The following SLC30A8 variants were observed in gnomAD, a reference collection of about 807,000 sequenced individuals.
The protein encoded by SLC30A8 is proton-coupled zinc antiporter SLC30A8.
SLC30A8 carries 27 observed loss-of-function variants against 36.9 expected under a neutral mutation model. The ratio of observed to expected loss-of-function variants is 0.73; its 90% CI spans 0.54 to 1.01. The LOEUF (loss-of-function observed/expected upper bound fraction) is 1.01, where lower values mean the gene tolerates loss of function less well. Among genes scored for constraint, SLC30A8 ranks in the 50% least tolerant of loss-of-function variants. SLC30A8 has a pLI of 0.00. For synonymous variants in SLC30A8, 164 were observed against 172.4 expected (o/e 0.95, Z 0.38); for missense variants, 439 against 452.0 (o/e 0.97, Z 0.26).
In SLC30A8 at chr8:117,141,066, G is replaced by C. The variant is rs545931687; in HGVS notation, c.71+5668G>C. ...CTTACACAAAGAAAGCCCAAGTCCA[G>C]ATGTCCTCACTGGTGATTTCTACCA... On this transcript the variant is annotated intron_variant, in intron 1 of 7. Coordinates refer to ENST00000456015, the MANE Select transcript of SLC30A8 (RefSeq NM_173851.3). Among the ~76,000 whole-genome samples the C allele has an allele frequency of 3.9e-5, 6 of 152,168 alleles. No individual in the cohort carries two copies. In the East Asian group the frequency reaches 1.2e-3, roughly 29 times the overall value.
chr8:117,062,689 C>G (rs1328102806), intron 2 of SLC30A8, among the ~76,000 whole-genome samples: 1 of 152,148 alleles, frequency 6.6e-6, no homozygotes, highest in African/African-American at 2.4e-5. Context: ...GGCCATAGGG[C>G]TGGGGTCAGA....
intron 2 of SLC30A8, among the ~76,000 whole-genome samples, chr8:117,042,023 C>T (rs1263330179): frequency 6.6e-6 from 1 of 152,174 alleles, no homozygotes; most frequent in African/African-American, 2.4e-5. Flanking sequence ...CATCTCTATC[C>T]TAATTATCTT....
intron 1 of SLC30A8, among the ~76,000 whole-genome samples, chr8:116,976,626 C>T (rs767866605): frequency 1.3e-5 from 2 of 152,060 alleles, no homozygotes; most frequent in Non-Finnish European, 2.9e-5. Context: ...ATAAAGAGGG[C>T]TCTTCCAGAG....
intron 1 of SLC30A8, among the ~76,000 whole-genome samples, chr8:117,142,308 G>A (rs1396675815): frequency 1.3e-5 from 2 of 152,126 alleles, no homozygotes; most frequent in East Asian, 3.9e-4. Context: ...CAATGTGTTG[G>A]CTGTAGTCAC....
intron 1 of SLC30A8, among the ~76,000 whole-genome samples, chr8:117,035,057 G>A (rs1369693716): frequency 6.6e-6 from 1 of 152,146 alleles, no homozygotes; most frequent in Non-Finnish European, 1.5e-5. Context: ...TGAGATTTGG[G>A]TGTGGACACA....
At chr8:116,978,718 C>A (rs2130637153) in intron 1 of SLC30A8, among the ~76,000 whole-genome samples, 1 of 152,306 alleles carries the variant, frequency 6.6e-6, no homozygotes, top group East Asian at 1.9e-4. Context: ...GATGCTGCCC[C>A]TTGGAGATAT....
chr8:116,999,812 GGAAAA>G (rs1325587815), intron 1 of SLC30A8, among the ~76,000 whole-genome samples: 2 of 151,160 alleles, frequency 1.3e-5, no homozygotes, highest in African/African-American at 4.9e-5. Flanking sequence ...ACATTTATAA[GGAAAA>G]GAAATTATGA....
rs1169776030 is a variant in SLC30A8, at chr8:117,128,539, C to A, written c.-225-6741C>A. ...GAATATTCTTTTAAAAAATAATATG[C>A]TCCCTGTGTTATTATTGCCTAGGGT... is the stretch of plus-strand genomic sequence containing the variant. On this transcript the variant is annotated intron_variant, in intron 2 of 10. Coordinates refer to the SLC30A8 transcript ENST00000427715. 3 of 75,182 alleles carry A rather than the reference C, an allele frequency of 4.0e-5. No individual in the cohort carries two copies. In the African/African-American group the frequency reaches 4.6e-4, roughly 12 times the overall value. The allele number at this position is 75,182 out of a possible 1,614,324, so 4.7% of individuals were successfully genotyped here.
chr8:117,111,546 A>G (rs926032880), intron 2 of SLC30A8, among the ~76,000 whole-genome samples: 4 of 152,130 alleles, frequency 2.6e-5, no homozygotes, highest in Non-Finnish European at 5.9e-5. Context: ...GGCTGCTTAG[A>G]ACACCATGTT....
At chr8:117,134,008 C>G (rs1586567277), upstream of SLC30A8, among the ~76,000 whole-genome samples, 1 of 151,880 alleles carries the variant, frequency 6.6e-6, no homozygotes, top group East Asian at 1.9e-4. Context: ...AGAGGTACAG[C>G]TACACCACAG....
chr8:117,078,189 A>C (rs1818550028), intron 2 of SLC30A8, among the ~76,000 whole-genome samples: 1 of 152,230 alleles, frequency 6.6e-6, no homozygotes, highest in African/African-American at 2.4e-5. Flanking sequence ...CTTAGGTTAT[A>C]GTTTAATTAG....
intron 2 of SLC30A8, among the ~76,000 whole-genome samples, chr8:117,059,514 T>C (rs1225227313): frequency 6.6e-6 from 1 of 152,184 alleles, no homozygotes; most frequent in Non-Finnish European, 1.5e-5. Flanking sequence ...TGTCAGGTCT[T>C]ATCTTAGGCA....
chr8:116,957,126 T>A (rs778253357), intron 1 of SLC30A8, among the ~76,000 whole-genome samples: 4 of 152,200 alleles, frequency 2.6e-5, no homozygotes, highest in Non-Finnish European at 5.9e-5. Flanking sequence ...TTATATTTCT[T>A]TACTTATAAA....
intron 1 of SLC30A8, among the ~76,000 whole-genome samples, chr8:117,026,775 A>G (rs1396410586): frequency 3.9e-5 from 6 of 152,192 alleles, no homozygotes; most frequent in Admixed American, 1.3e-4. Context: ...GCCCTATGCT[A>G]TGCAATCTGG....
chr8:117,134,530 G>T (rs1445866257), upstream of SLC30A8, among the ~76,000 whole-genome samples: 1 of 151,958 alleles, frequency 6.6e-6, no homozygotes, highest in African/African-American at 2.4e-5. Flanking sequence ...CTTCCTCGGA[G>T]CTGGAACTGG....
intron 2 of SLC30A8, among the ~76,000 whole-genome samples, chr8:117,100,827 T>A (rs1477811776): frequency 6.6e-6 from 1 of 152,200 alleles, no homozygotes; most frequent in East Asian, 1.9e-4. Context: ...ATAATTCTGT[T>A]AATTTCATAA....
chr8:117,041,265 G>A lies in SLC30A8; in HGVS notation c.-226+2007G>A, dbSNP rs559247734. Among the ~76,000 whole-genome samples the A allele has an allele frequency of 3.9e-5, 6 of 152,324 alleles. No homozygotes were observed. The East Asian group carries it at 9.6e-4, about 24-fold the overall frequency. ...TGGGGCTCAGATTGAGGGAGGGGTGGAGAAGAGGAAGAAATGGAATTTGGA... is the reference window on the plus strand; with the variant it reads ...TGGGGCTCAGATTGAGGGAGGGGTGAAGAAGAGGAAGAAATGGAATTTGGA... On this transcript the variant is annotated intron_variant, in intron 2 of 10. Coordinates refer to the SLC30A8 transcript ENST00000427715.
intron 2 of SLC30A8, among the ~76,000 whole-genome samples, chr8:117,150,788 G>A (rs1051242535): frequency 6.6e-6 from 1 of 151,986 alleles, no homozygotes; most frequent in African/African-American, 2.4e-5. Flanking sequence ...CATATTTTTA[G>A]TGGAGACGGG....
chr8:116,956,689 G>T (rs1433844697), intron 1 of SLC30A8, among the ~76,000 whole-genome samples: 1 of 152,150 alleles, frequency 6.6e-6, no homozygotes, highest in Non-Finnish European at 1.5e-5. Flanking sequence ...TACAGAAAGT[G>T]GACTTCATGT....
Sources: gnomAD v4.1 joint callset for allele counts (sites outside exome capture counted in the v4.1 genomes callset) on GRCh38, gnomAD v4.1.1 for gene constraint, MANE v1.5 for transcripts, NCBI Gene and HGNC (gene_info 2026-07-23, HGNC 2026-07-21) for gene names.